PZP: variants seen among roughly 807,000 people sequenced by gnomAD.
PZP encodes the protein pregnancy zone protein.
PZP carries 150 observed loss-of-function variants against 179.8 expected under a neutral mutation model. The ratio of observed to expected loss-of-function variants is 0.83; its 90% CI spans 0.73 to 0.96. PZP has a LOEUF of 0.96. Ranked by LOEUF, PZP falls within the 40% of genes least tolerant of loss-of-function variation. PZP has a pLI of 0.00. For synonymous variants in PZP, 624 were observed against 652.3 expected (o/e 0.96, Z 0.66); for missense variants, 1,689 against 1,764.0 (o/e 0.96, Z 0.76).
At chr12:9,142,055 C>T in the PZP span, among the ~76,000 whole-genome samples, 2 of 152,140 alleles carry the variant, frequency 1.3e-5, no homozygotes, top group South Asian at 2.1e-4. Flanking sequence ...TGACATGCCT[C>T]GACTTTGTTG....
At chr12:9,182,176 A>G in intron 13 of PZP, 59 bp from the exon 14 acceptor site, 1 of 184,578 alleles carries the variant, frequency 5.4e-6, no homozygotes, top group Non-Finnish European at 8.6e-6. Flanking sequence ...GGTCATAAAA[A>G]TAGTGTCATA....
intron 8 of PZP, 103 bp from the exon 9 acceptor site, chr12:9,196,788 T>A: frequency 1.0e-6 from 1 of 976,658 alleles, no homozygotes; most frequent in Non-Finnish European, 1.6e-6. Flanking sequence ...TTTTTTGCAT[T>A]AAGTAAGTTA....
At chr12:9,199,751 G>C (rs1401164150) in intron 7 of PZP, among the ~76,000 whole-genome samples, 1 of 152,026 alleles carries the variant, frequency 6.6e-6, no homozygotes, top group East Asian at 1.9e-4. Flanking sequence ...CTGTAGAGGA[G>C]GAAATGGGAC....
At chr12:9,153,387 G>T in intron 29 of PZP, 44 bp from the exon 30 acceptor site, 1 of 1,543,526 alleles carries the variant, frequency 6.5e-7, no homozygotes, top group Non-Finnish European at 8.9e-7. Flanking sequence ...GTAAATTTTT[G>T]GCATCTGGGA....
intron 1 of PZP, among the ~76,000 whole-genome samples, chr12:9,204,275 A>G (rs1490854167): frequency 1.3e-5 from 2 of 152,174 alleles, no homozygotes; most frequent in African/African-American, 2.4e-5. Flanking sequence ...AAGAATCTGA[A>G]TTCTTGAATA....
rs1194779451 is a variant in PZP at position 9,161,032 on chromosome 12, CCCAGAACT to C, written c.2865_2872del (p.Val956Ter). 1.3e-6 allele frequency: 2 copies of C among 1,574,994 alleles called. No homozygotes were observed. The highest frequency in any genetic ancestry group is 1.7e-6 in the Non-Finnish European group (2 of 1,144,522). ...GGTTTACTAAATGGAAGGTGACTCACCCAGAACTGAGAAAGAAGCTCTGGCAGATTCTT... is the reference window on the plus strand; with the variant it reads ...GGTTTACTAAATGGAAGGTGACTCACGAGAAAGAAGCTCTGGCAGATTCTT... On this transcript the variant is annotated frameshift_variant and splice_region_variant, in exon 23 of 36. Transcript: ENST00000261336. LOFTEE classifies it high-confidence loss of function.
chr12:9,149,477 G>T, intron 35 of PZP, 84 bp downstream of exon 35: 2 of 1,356,142 alleles, frequency 1.5e-6, no homozygotes, highest in Non-Finnish European at 2.0e-6. Context: ...TGTAGGAAAA[G>T]CCTTGTAGAG....
At chr12:9,149,653 G>T in intron 34 of PZP, 51 bp from the exon 35 acceptor site, 1 of 1,576,120 alleles carries the variant, frequency 6.3e-7, no homozygotes, top group South Asian at 1.1e-5. Flanking sequence ...ATGAACTAGG[G>T]ACCATGCTAA....
chr12:9,169,357 T>C, intron 16 of PZP, 73 bp downstream of exon 16: 1 of 1,353,010 alleles, frequency 7.4e-7, no homozygotes, highest in South Asian at 1.5e-5. Context: ...ACTAAGATTA[T>C]GAATAGATAC....
intron 10 of PZP, among the ~76,000 whole-genome samples, chr12:9,195,298 T>A (rs1943705049): frequency 6.6e-6 from 1 of 152,126 alleles, no homozygotes; most frequent in Non-Finnish European, 1.5e-5. Flanking sequence ...TCCATAAATG[T>A]TAGTTACTAA....
chr12:9,171,124 AGGAT>A (rs1300712195), intron 15 of PZP, among the ~76,000 whole-genome samples: 3 of 152,178 alleles, frequency 2.0e-5, no homozygotes, highest in Non-Finnish European at 4.4e-5. Context: ...GTACCCCCAC[AGGAT>A]GGAGTTTCTA....
chr12:9,153,192 A>G lies in PZP; in HGVS notation c.3926T>C (p.Ile1309Thr), dbSNP rs1285346682. Residue 1309 changes from isoleucine to threonine, a missense_variant, in exon 30 of 36, where the codon ATC becomes ACC. This residue lies in a region of PZP where 746 missense variants were observed against 749.2 expected (regional missense o/e 1.00). Transcript: ENST00000261336. ...DNNNLLLLQQ[I>T]SLPELPGEYV... ...TTCTCCAGGGAGCTCTGGCAATGAG[A>G]TCTGCTGCAGTAATAGGAGGTTGTT... is the stretch of plus-strand genomic sequence containing the variant. The G allele has an allele frequency of 6.2e-7, 1 of 1,614,170 alleles. No homozygotes were observed. The highest frequency in any genetic ancestry group is 1.7e-5 in the Admixed American group (1 of 60,028).
chr12:9,173,996 A>T (rs1942185441), intron 15 of PZP, among the ~76,000 whole-genome samples: 1 of 152,202 alleles, frequency 6.6e-6, no homozygotes, highest in Non-Finnish European at 1.5e-5. Flanking sequence ...CATCATCTTG[A>T]TACCAAAACC....
intron 2 of PZP, among the ~76,000 whole-genome samples, chr12:9,203,405 G>A (rs975987227): frequency 9.0e-5 from 13 of 143,818 alleles, no homozygotes; most frequent in Non-Finnish European, 1.6e-4. Context: ...GCAGTGGGGC[G>A]ATCTCGGCTC....
chr12:9,164,818 G>A (rs753719169), intron 19 of PZP, among the ~76,000 whole-genome samples: 3 of 152,238 alleles, frequency 2.0e-5, no homozygotes, highest in South Asian at 4.2e-4. Flanking sequence ...AATGACTCTC[G>A]TGGAACTGAG....
At chr12:9,198,532 GAC>G (rs1943969807) in intron 7 of PZP, among the ~76,000 whole-genome samples, 1 of 152,150 alleles carries the variant, frequency 6.6e-6, no homozygotes, top group African/African-American at 2.4e-5. Context: ...CACGTGCACT[GAC>G]ACACATGCAC....
At chr12:9,163,918 A>C in intron 20 of PZP, 129 bp from the exon 21 acceptor site, 1 of 1,302,570 alleles carries the variant, frequency 7.7e-7, no homozygotes, top group South Asian at 1.5e-5. Context: ...CCACAAGGTT[A>C]ATGTATACTA....
intron 11 of PZP, among the ~76,000 whole-genome samples, chr12:9,193,506 T>A (rs7298117): frequency 2.0e-5 from 3 of 152,006 alleles, no homozygotes; most frequent in African/African-American, 4.8e-5. Context: ...CTAGGGAGAG[T>A]GAGTGTCTAT....
Position 9,160,371 on chromosome 12 carries a change from C to A in PZP, c.2992G>T (p.Glu998Ter), listed in dbSNP as rs947382072. The change falls in exon 24 of 36, where the codon GAA (glutamate) becomes TAA (stop). Residue 998 changes from glutamate (E) to a stop codon, truncating the protein, a stop_gained. Transcript: ENST00000261336. LOFTEE classifies it high-confidence loss of function. ...PNIYVLNYLN[E>*]TQQLTQEIKA... The stretch of plus-strand genomic sequence containing the variant: ...ATCTCCTGCGTCAGCTGCTGGGTTT[C>A]ATTCAGATAGTTCAAGACATAGATG... 2.3e-5 allele frequency: 37 copies of A among 1,614,070 alleles called. No individual in the cohort carries two copies. In the Admixed American group the frequency reaches 5.2e-4, roughly 23 times the overall value.
Sources: gnomAD v4.1 joint callset for allele counts (sites outside exome capture counted in the v4.1 genomes callset) on GRCh38, gnomAD v4.1.1 for gene constraint, gnomAD v4.1.1 regional missense constraint, MANE v1.5 for transcripts, NCBI Gene and HGNC (gene_info 2026-07-23, HGNC 2026-07-21) for gene names.